Variants in SPHKAP observed in about 807,000 individuals in gnomAD.
SPHKAP encodes the protein A-kinase anchor protein SPHKAP.
SPHKAP carries 67 observed loss-of-function variants against 137.5 expected under a neutral mutation model. The ratio of observed to expected loss-of-function variants is 0.49; its 90% confidence interval spans 0.40 to 0.60. The LOEUF is 0.60. SPHKAP is among the 20% of genes least tolerant of loss of function. The probability of loss-of-function intolerance (pLI) is 0.00; values close to 1 mark genes in which losing one functional copy is unlikely to be tolerated. For synonymous variants in SPHKAP, 813 were observed against 785.3 expected, an observed-to-expected ratio of 1.04 and a Z score of -0.59; for missense variants, 2,097 against 2,069.3, an observed-to-expected ratio of 1.01 and a Z score of -0.26.
intron 3 of SPHKAP, among the ~76,000 whole-genome samples, chr2:228,039,953 G>GA (rs1695775833): frequency 6.6e-6 from 1 of 152,138 alleles, no homozygotes; most frequent in Admixed American, 6.6e-5. Context: ...CCACTAGGGG[G>GA]AAATCACTGT....
At position 228,021,772 on chromosome 2, in the gene SPHKAP, T is replaced by C. The variant is rs188751942; in HGVS notation, c.636A>G (p.Glu212=). 6.2e-7 allele frequency: 1 copy of C among 1,614,192 alleles called. No individual in the cohort carries two copies. The highest frequency in any genetic ancestry group is 2.2e-5 in the East Asian group (1 of 44,876). The change falls in exon 6 of 12, where the codon GAA becomes GAG. Residue 212 remains glutamate (E), a synonymous_variant. Transcript: ENST00000392056. The part of the protein sequence containing the change: ...DTNCSLSSIE[E]DFLTASEHLE... ...AGTGCTCAGAAGCGGTGAGAAAGTC[T>C]TCCTCGATTGAAGATAAGGAACAGT...
At chr2:228,028,961 G>A (rs1367378546) in intron 3 of SPHKAP, among the ~76,000 whole-genome samples, 1 of 152,104 alleles carries the variant, frequency 6.6e-6, no homozygotes, top group Non-Finnish European at 1.5e-5. Flanking sequence ...AAAGACTTTT[G>A]TTGGGTAGGG....
At chr2:228,044,609 C>T (rs899779964) in intron 3 of SPHKAP, among the ~76,000 whole-genome samples, 2 of 152,026 alleles carry the variant, frequency 1.3e-5, no homozygotes, top group African/African-American at 4.8e-5. Flanking sequence ...TAAATTCAAG[C>T]CTTTGAAAAA....
intron 3 of SPHKAP, among the ~76,000 whole-genome samples, chr2:228,086,514 G>T (rs192478518): frequency 1.6e-4 from 25 of 152,254 alleles, no homozygotes; most frequent in African/African-American, 5.5e-4. Context: ...AAGCCAAGAA[G>T]CTGGGGACTC....
rs902752426 is a variant in SPHKAP at position 228,059,748 on chromosome 2, A to G, written c.247-32205T>C. Among the ~76,000 whole-genome samples the G allele has an allele frequency of 2.6e-5, 4 of 152,248 alleles. No individual in the cohort carries two copies. In the South Asian group the frequency reaches 8.3e-4, roughly 31 times the overall value. ...TAAAGAATAATGTTTTCACAGATAC[A>G]GAAGGCAGTCTGCTCAGTGTTACAG... is the stretch of plus-strand genomic sequence containing the variant. On this transcript the variant is annotated intron_variant, in intron 3 of 11. Coordinates refer to ENST00000392056, the MANE Select transcript of SPHKAP (RefSeq NM_001142644.2).
chr2:228,155,093 T>C (rs1246871623), intron 1 of SPHKAP, among the ~76,000 whole-genome samples: 1 of 152,178 alleles, frequency 6.6e-6, no homozygotes, highest in African/African-American at 2.4e-5. Context: ...TCTTATTTAG[T>C]TCCTAGCTGT....
At chr2:227,999,631 C>G (rs537413165) in intron 7 of SPHKAP, among the ~76,000 whole-genome samples, 6 of 152,300 alleles carry the variant, frequency 3.9e-5, no homozygotes, top group African/African-American at 1.4e-4. Context: ...AAAAATGAGT[C>G]TGTCAGTGTA....
intron 11 of SPHKAP, among the ~76,000 whole-genome samples, chr2:227,989,783 T>G (rs1443329319): frequency 1.3e-5 from 2 of 151,388 alleles, no homozygotes; most frequent in Admixed American, 6.6e-5. Flanking sequence ...TTTTTGTTTT[T>G]TTTTTTTTTT....
At chr2:228,081,027 GA>G (rs1413947374) in intron 3 of SPHKAP, among the ~76,000 whole-genome samples, 1 of 152,018 alleles carries the variant, frequency 6.6e-6, no homozygotes, top group African/African-American at 2.4e-5. Flanking sequence ...TAAAAACTCA[GA>G]ACCCTATTTC....
chr2:228,175,413 G>T (rs1163015794), intron 1 of SPHKAP, among the ~76,000 whole-genome samples: 1 of 152,144 alleles, frequency 6.6e-6, no homozygotes, highest in African/African-American at 2.4e-5. Flanking sequence ...AAGATCAGAG[G>T]AGATAATTTG....
chr2:228,049,739 A>G (rs1398842697), intron 3 of SPHKAP, among the ~76,000 whole-genome samples: 1 of 152,222 alleles, frequency 6.6e-6, no homozygotes, highest in African/African-American at 2.4e-5. Flanking sequence ...GTAAGTGAGA[A>G]CAAGTGGTAT....
intron 3 of SPHKAP, among the ~76,000 whole-genome samples, chr2:228,104,348 TATTA>T (rs1322288766): frequency 6.8e-6 from 1 of 146,000 alleles, no homozygotes; most frequent in African/African-American, 2.5e-5. Flanking sequence ...ATTAAAATAA[TATTA>T]AATAATAATA....
At chr2:228,104,581 A>T (rs1171229219) in intron 3 of SPHKAP, among the ~76,000 whole-genome samples, 1 of 152,014 alleles carries the variant, frequency 6.6e-6, no homozygotes, top group Non-Finnish European at 1.5e-5. Context: ...GGATTTCATT[A>T]GCACAGAAGA....
Position 228,018,960 on chromosome 2 carries a change from T to C in SPHKAP, c.1894A>G (p.Thr632Ala). 6.2e-7 allele frequency: 1 copy of C among 1,614,138 alleles called. No homozygotes were observed. Among genetic ancestry groups the C allele is most frequent in the Non-Finnish European group, 8.5e-7 (1 of 1,180,002 alleles). Residue 632 changes from threonine to alanine, a missense_variant, in exon 7 of 12, where the codon ACC becomes GCC. Thr to Ala is a moderately conservative substitution (Grantham distance 58). Transcript: ENST00000392056. ...EAALVLTRPN[T>A]YSSIGDFLDS... Reference sequence around the variant, plus strand: ...AGAAAGTCTCCAATGCTGCTGTAGGTATTAGGCCTTGTTAAAACCAGAGCA... The same window carrying C: ...AGAAAGTCTCCAATGCTGCTGTAGGCATTAGGCCTTGTTAAAACCAGAGCA...
Position 227,987,557 on chromosome 2 carries a change from A to G in SPHKAP, c.4959+3443T>C, listed in dbSNP as rs780856180. On this transcript the variant is annotated intron_variant, in intron 11 of 11. Transcript: ENST00000392056. ...TTCAGGTGCATTTAGCTTTTTAATA[A>G]TTAGATAAAACACAAGTGAAAGGGA... 4.0e-4 allele frequency among the ~76,000 whole-genome samples: 61 copies of G among 152,212 alleles called. 1 individual carries two copies. The highest frequency in any genetic ancestry group is 3.2e-3 in the Middle Eastern group (1 of 316).
chr2:228,034,796 T>C lies in SPHKAP; in HGVS notation c.247-7253A>G, dbSNP rs185869559. 1.5e-3 allele frequency among the ~76,000 whole-genome samples: 225 copies of C among 152,298 alleles called. 4 individuals are homozygous for C. The South Asian group carries it at 0.022, about 15-fold the overall frequency. On this transcript the variant is annotated intron_variant, in intron 3 of 11. Coordinates refer to ENST00000392056, the MANE Select transcript of SPHKAP (RefSeq NM_001142644.2). ...GATGAAAACTACATGATTATCTTAATAGATGCAGAAAAGGCTTTCGACAAA... is the reference window on the plus strand; with the variant it reads ...GATGAAAACTACATGATTATCTTAACAGATGCAGAAAAGGCTTTCGACAAA...
rs927855092 is a variant in SPHKAP, at chr2:227,981,593, A to AT, written c.*123dup. The AT allele has an allele frequency of 9.3e-4, 1,188 of 1,280,420 alleles. No individual in the cohort carries two copies. Among genetic ancestry groups the AT allele is most frequent in the South Asian group, 1.1e-3 (69 of 62,184 alleles). The allele number at this position is 1,280,420 out of a possible 1,614,324, so 79.3% of individuals were successfully genotyped here. A position where few individuals can be genotyped will look rare whatever the true frequency, so the allele number is the denominator to read the frequency against. On this transcript the variant is annotated 3_prime_UTR_variant, in exon 12 of 12. Transcript: ENST00000392056. ...TGTATGCAGTGGATCTGAGTAGCAG[A>AT]TTTTTTTTTATAGTTCTGCTAATGT...
At chr2:228,026,275 G>A (rs1695032433) in intron 4 of SPHKAP, among the ~76,000 whole-genome samples, 1 of 152,070 alleles carries the variant, frequency 6.6e-6, no homozygotes, top group African/African-American at 2.4e-5. Flanking sequence ...CCTGAAAATG[G>A]ACTAATACCT....
At chr2:228,088,352 T>C (rs1218657455) in intron 3 of SPHKAP, among the ~76,000 whole-genome samples, 2 of 152,160 alleles carry the variant, frequency 1.3e-5, no homozygotes, top group African/African-American at 4.8e-5. Flanking sequence ...TAAAGTGTTA[T>C]GTATACCATG....
Sources: gnomAD v4.1 joint callset for allele counts (sites outside exome capture counted in the v4.1 genomes callset) on GRCh38, gnomAD v4.1.1 for gene constraint, MANE v1.5 for transcripts, NCBI Gene and HGNC (gene_info 2026-07-23, HGNC 2026-07-21) for gene names.